Variants in MYCBP2 observed in about 807,000 individuals in gnomAD.
MYCBP2 encodes the protein E3 ubiquitin-protein ligase MYCBP2.
MYCBP2 carries 120 observed loss-of-function variants against 525.3 expected under a neutral mutation model. The observed-to-expected ratio is 0.23, with a 90% CI of 0.20 to 0.27. The LOEUF is 0.27. Among genes scored for constraint, MYCBP2 ranks in the 10% least tolerant of loss-of-function variants. The probability of loss-of-function intolerance (pLI) is 1.00; values close to 1 mark genes in which losing one functional copy is unlikely to be tolerated. For synonymous variants in MYCBP2, 1,894 were observed against 1,955.8 expected (o/e 0.97, Z 0.83); for missense variants, 4,149 against 5,657.1 (o/e 0.73, Z 8.55).
chr13:77,144,574 A>C lies in MYCBP2; in HGVS notation c.7188-14T>G, dbSNP rs1389459254. On this transcript the variant is annotated splice_polypyrimidine_tract_variant and intron_variant, in intron 48 of 82. Coordinates refer to ENST00000544440, the MANE Select transcript of MYCBP2 (RefSeq NM_015057.5). ...TTCTCACTGGGTCTGAAAAGAAATAAGATGGATATTGGAAATTTTACTTTT... is the reference window on the plus strand; with the variant it reads ...TTCTCACTGGGTCTGAAAAGAAATACGATGGATATTGGAAATTTTACTTTT... 5.8e-6 allele frequency: 9 copies of C among 1,554,784 alleles called. No homozygotes were observed. Among genetic ancestry groups the C allele is most frequent in the Non-Finnish European group, 8.0e-6 (9 of 1,126,680 alleles).
intron 77 of MYCBP2, among the ~76,000 whole-genome samples, chr13:77,059,306 C>T (rs898433356): frequency 6.6e-6 from 1 of 152,108 alleles, no homozygotes; most frequent in African/African-American, 2.4e-5. Context: ...TACATATGAT[C>T]ATGGTAACTG....
intron 55 of MYCBP2, among the ~76,000 whole-genome samples, chr13:77,111,191 A>G (rs1043224930): frequency 6.6e-6 from 1 of 152,058 alleles, no homozygotes; most frequent in African/African-American, 2.4e-5. Flanking sequence ...TATATGAATA[A>G]TTTTCTATTT....
chr13:77,059,598 T>C lies in MYCBP2; in HGVS notation c.13065A>G (p.Ala4355=). The change falls in exon 77 of 83, where the codon GCA becomes GCG. Residue 4355 remains alanine (A), a synonymous_variant. Coordinates refer to ENST00000544440, the MANE Select transcript of MYCBP2 (RefSeq NM_015057.5). ...TGKPTTSSSE[A]CRFCGSRSGT... The stretch of plus-strand genomic sequence containing the variant: ...CACTCCTGGAACCACAGAAGCGACA[T>C]GCTTCTGAGCTACTCGTGGTGGGTT... 7 of 1,613,860 alleles carry C rather than the reference T, an allele frequency of 4.3e-6. No homozygotes were observed. Among genetic ancestry groups the C allele is most frequent in the Non-Finnish European group, 5.9e-6 (7 of 1,179,740 alleles).
At chr13:77,184,899 T>C (rs1268473336) in intron 32 of MYCBP2, among the ~76,000 whole-genome samples, 1 of 152,216 alleles carries the variant, frequency 6.6e-6, no homozygotes, top group Non-Finnish European at 1.5e-5. Flanking sequence ...AACTGCACAA[T>C]GTGCCTACCA....
intron 4 of MYCBP2, among the ~76,000 whole-genome samples, chr13:77,276,825 TTTTTTTTTTTTTTTG>T (rs1233851673): frequency 7.0e-6 from 1 of 142,896 alleles, no homozygotes; most frequent in Admixed American, 7.1e-5. Context: ...AGTTTTTTTT[TTTTTTTTTTTTTTTG>T]GAGAGATAGG....
chr13:77,200,125 A>C (rs1236283542), intron 26 of MYCBP2, among the ~76,000 whole-genome samples: 1 of 152,010 alleles, frequency 6.6e-6, no homozygotes, highest in South Asian at 2.1e-4. Flanking sequence ...ACCAAAGGCA[A>C]AGAAGTTGAA....
chr13:77,214,896 T>G (rs2064587735), intron 21 of MYCBP2, among the ~76,000 whole-genome samples: 1 of 152,220 alleles, frequency 6.6e-6, no homozygotes, highest in African/African-American at 2.4e-5. Flanking sequence ...AGTCCATCAC[T>G]GACCAAAATA....
chr13:77,267,606 G>A (rs1300469239), intron 8 of MYCBP2, among the ~76,000 whole-genome samples: 1 of 151,986 alleles, frequency 6.6e-6, no homozygotes, highest in Non-Finnish European at 1.5e-5. Flanking sequence ...CAGAGATTAG[G>A]CCATAGACGG....
chr13:77,281,490 A>G (rs2076185219), intron 3 of MYCBP2, among the ~76,000 whole-genome samples: 1 of 152,154 alleles, frequency 6.6e-6, no homozygotes, highest in Admixed American at 6.5e-5. Flanking sequence ...AACTATAACT[A>G]ATTACCCAAC....
intron 82 of MYCBP2, 42 bp from the exon 83 acceptor site, chr13:77,045,535 G>A (rs771490010): frequency 8.0e-7 from 1 of 1,254,352 alleles, no homozygotes; most frequent in Non-Finnish European, 1.2e-6. Context: ...AATGTTTTAA[G>A]AATACACACA....
rs1478079455 is a variant in MYCBP2 at position 77,315,091 on chromosome 13, C to T, written c.302+11383G>A. On this transcript the variant is annotated intron_variant, in intron 1 of 82. Coordinates refer to ENST00000544440, the MANE Select transcript of MYCBP2 (RefSeq NM_015057.5). Reference sequence around the variant, plus strand: ...AAAAAATACAAGTTACCAAAATTGACATGAATAATAACAGAAAATCTGAAT... The same window carrying T: ...AAAAAATACAAGTTACCAAAATTGATATGAATAATAACAGAAAATCTGAAT... Among the ~76,000 whole-genome samples, 4 of 152,112 alleles carry T rather than the reference C, an allele frequency of 2.6e-5. No homozygotes were observed. The East Asian group carries it at 7.7e-4, about 29-fold the overall frequency.
chr13:77,288,488 G>A (rs2077122270), intron 2 of MYCBP2, 112 bp from the exon 3 acceptor site: 7 of 900,720 alleles, frequency 7.8e-6, no homozygotes, highest in Non-Finnish European at 1.2e-5. Context: ...GACACATTAT[G>A]TGACACAGCA....
At chr13:77,056,104 GT>G (rs2037946875) in intron 79 of MYCBP2, among the ~76,000 whole-genome samples, 3 of 69,636 alleles carry the variant, frequency 4.3e-5, no homozygotes, top group African/African-American at 1.1e-4. Flanking sequence ...TGTTTGGTGT[GT>G]GTGTGTGTGT....
chr13:77,307,665 T>C (rs939283020), intron 1 of MYCBP2, among the ~76,000 whole-genome samples: 2 of 149,566 alleles, frequency 1.3e-5, no homozygotes, highest in East Asian at 2.0e-4. Flanking sequence ...CTTCATTGTA[T>C]TGAAGTTTTT....
chr13:77,325,494 C>T (rs2082178428), intron 1 of MYCBP2, among the ~76,000 whole-genome samples: 1 of 152,092 alleles, frequency 6.6e-6, no homozygotes, highest in Non-Finnish European at 1.5e-5. Flanking sequence ...AAAAAAAGCA[C>T]CCACATTTTA....
At chr13:77,165,513 C>T (rs1387995175) in intron 41 of MYCBP2, 122 bp from the exon 42 acceptor site, 2 of 722,068 alleles carry the variant, frequency 2.8e-6, no homozygotes, top group East Asian at 5.3e-5. Context: ...TCATATACTA[C>T]ATAACTTAAA....
At chr13:77,140,437 T>TA (rs2054435365) in intron 50 of MYCBP2, among the ~76,000 whole-genome samples, 1 of 152,216 alleles carries the variant, frequency 6.6e-6, no homozygotes, top group East Asian at 1.9e-4. Flanking sequence ...TTAAGAAGGA[T>TA]AAAAACCATT....
chr13:77,178,042 CTTTA>C (rs1300047402), intron 34 of MYCBP2, 88 bp from the exon 35 acceptor site: 13 of 798,330 alleles, frequency 1.6e-5, no homozygotes, highest in Non-Finnish European at 2.8e-5. Flanking sequence ...ATAAAATAAC[CTTTA>C]TTTAATAAGT....
intron 2 of MYCBP2, among the ~76,000 whole-genome samples, chr13:77,293,445 T>C (rs570990645): frequency 1.3e-5 from 2 of 152,280 alleles, no homozygotes; most frequent in African/African-American, 4.8e-5. Context: ...TCACACAAGA[T>C]TGAGTTTTGT....
Sources: gnomAD v4.1 joint callset for allele counts (sites outside exome capture counted in the v4.1 genomes callset) on GRCh38, gnomAD v4.1.1 for gene constraint, MANE v1.5 for transcripts, NCBI Gene and HGNC (gene_info 2026-07-23, HGNC 2026-07-21) for gene names.